PRKCQ: variants seen among roughly 807,000 people sequenced by gnomAD.
PRKCQ encodes protein kinase C theta type.
A neutral mutation model predicts 91.2 loss-of-function variants in PRKCQ; 41 were observed. The ratio of observed to expected loss-of-function variants is 0.45; its 90% CI spans 0.35 to 0.58. The LOEUF is 0.58. PRKCQ is among the 20% of genes least tolerant of loss of function. The probability of loss-of-function intolerance (pLI) is 0.00; values close to 1 mark genes in which losing one functional copy is unlikely to be tolerated. For synonymous variants in PRKCQ, 307 were observed against 316.9 expected, an observed-to-expected ratio of 0.97 and a Z score of 0.33; for missense variants, 673 against 896.5, an observed-to-expected ratio of 0.75 and a Z score of 3.18.
At chr10:6,489,006 C>T (rs1388210798) in intron 8 of PRKCQ, among the ~76,000 whole-genome samples, 1 of 152,194 alleles carries the variant, frequency 6.6e-6, no homozygotes, top group Non-Finnish European at 1.5e-5. Context: ...TGGTCTCAAA[C>T]TCCTGGGCTC....
At chr10:6,412,907 T>C in the PRKCQ span, among the ~76,000 whole-genome samples, 15 of 152,344 alleles carry the variant, frequency 9.8e-5, no homozygotes, top group East Asian at 2.7e-3. Context: ...ATGAGCACAA[T>C]TGCTCGTGTA....
At chr10:6,397,148 G>C in the PRKCQ span, among the ~76,000 whole-genome samples, 3 of 152,114 alleles carry the variant, frequency 2.0e-5, no homozygotes, top group Non-Finnish European at 4.4e-5. Context: ...CCAGGCTGGA[G>C]TGCAGTGGCA....
chr10:6,511,324 G>A (rs772355417), intron 2 of PRKCQ, 130 bp from the exon 3 acceptor site: 88 of 833,482 alleles, frequency 1.1e-4, no homozygotes, highest in Non-Finnish European at 1.2e-4. Flanking sequence ...GACAAAAGTA[G>A]CACATAAACA....
At chr10:6,525,523 T>C (rs960999403) in intron 1 of PRKCQ, among the ~76,000 whole-genome samples, 2 of 152,256 alleles carry the variant, frequency 1.3e-5, no homozygotes, top group African/African-American at 4.8e-5. Flanking sequence ...GTTGCCTTAG[T>C]GCTCTCTGTG....
At chr10:6,480,234 C>T (rs111868022) in intron 11 of PRKCQ, among the ~76,000 whole-genome samples, 94 of 152,290 alleles carry the variant, frequency 6.2e-4, no homozygotes, top group African/African-American at 2.1e-3. Flanking sequence ...TTTACACTTA[C>T]GACCTAATTG....
intron 16 of PRKCQ, among the ~76,000 whole-genome samples, chr10:6,436,822 T>G (rs1833721225): frequency 6.6e-6 from 1 of 152,174 alleles, no homozygotes; most frequent in African/African-American, 2.4e-5. Flanking sequence ...TTTCTTCCCA[T>G]CCAATCTTTC....
chr10:6,518,455 C>T (rs558967446), intron 1 of PRKCQ, among the ~76,000 whole-genome samples: 1 of 152,066 alleles, frequency 6.6e-6, no homozygotes, highest in Non-Finnish European at 1.5e-5. Flanking sequence ...ATTAATAATG[C>T]ATTTTATTTG....
At chr10:6,433,443 C>T (rs1833517495) in intron 16 of PRKCQ, among the ~76,000 whole-genome samples, 1 of 152,164 alleles carries the variant, frequency 6.6e-6, no homozygotes, top group South Asian at 2.1e-4. Context: ...AACATAGATG[C>T]TCAGTAGATG....
chr10:6,408,101 A>G, the PRKCQ span, among the ~76,000 whole-genome samples: 1 of 133,474 alleles, frequency 7.5e-6, no homozygotes, highest in African/African-American at 2.9e-5. Flanking sequence ...GGATCCGGAT[A>G]AGGGCCATAT....
chr10:6,450,944 T>G (rs948793664), intron 15 of PRKCQ, among the ~76,000 whole-genome samples: 22 of 152,254 alleles, frequency 1.4e-4, no homozygotes, highest in African/African-American at 5.3e-4. Flanking sequence ...GAGGGAAATT[T>G]ATAGCACTAA....
chr10:6,432,626 A>G (rs1029375153), intron 16 of PRKCQ, among the ~76,000 whole-genome samples: 2 of 152,120 alleles, frequency 1.3e-5, no homozygotes, highest in Admixed American at 6.5e-5. Flanking sequence ...GTCGCCTTGG[A>G]TAAGTTTTCT....
intron 15 of PRKCQ, among the ~76,000 whole-genome samples, chr10:6,445,258 C>G (rs541864186): frequency 1.3e-3 from 191 of 152,174 alleles, no homozygotes; most frequent in African/African-American, 3.4e-3. Context: ...GACCCTCCAC[C>G]ACCCCGGGGC....
chr10:6,444,093 TG>T (rs1834110201), intron 15 of PRKCQ, among the ~76,000 whole-genome samples: 2 of 152,258 alleles, frequency 1.3e-5, no homozygotes, highest in South Asian at 4.1e-4. Context: ...ATTTTTGAAA[TG>T]GAGTCTCGCT....
chr10:6,532,252 G>C (rs186002407), intron 1 of PRKCQ, among the ~76,000 whole-genome samples: 1 of 152,170 alleles, frequency 6.6e-6, no homozygotes, highest in African/African-American at 2.4e-5. Context: ...ACTTTAAAAG[G>C]GGCTTTTCTA....
At position 6,576,004 on chromosome 10, in the gene PRKCQ, C is replaced by G. The variant is rs1361940129; in HGVS notation, c.-10+4207G>C. Among the ~76,000 whole-genome samples, 1 of 152,152 alleles carries G rather than the reference C, an allele frequency of 6.6e-6. No homozygotes were observed. Among genetic ancestry groups the G allele is most frequent in the Non-Finnish European group, 1.5e-5 (1 of 68,022 alleles). Reference sequence around the variant, plus strand: ...GCAGTGAGCTGAGATCATGCCACTGCACTCCAGCCTGGCGACACAGCGAGA... The same window carrying G: ...GCAGTGAGCTGAGATCATGCCACTGGACTCCAGCCTGGCGACACAGCGAGA... On this transcript the variant is annotated intron_variant, in intron 1 of 17. Transcript: ENST00000263125. The surrounding 1 kb of genome is among the most constrained non-coding windows in gnomAD (Gnocchi z 4.2).
chr10:6,447,407 A>G (rs1002773633), intron 15 of PRKCQ, among the ~76,000 whole-genome samples: 6 of 40,862 alleles, frequency 1.5e-4, no homozygotes, highest in Admixed American at 1.4e-3. Context: ...ACTCCACCTC[A>G]AAAAAAAAAA....
intron 1 of PRKCQ, among the ~76,000 whole-genome samples, chr10:6,520,617 A>G (rs1456061211): frequency 6.6e-6 from 1 of 152,112 alleles, no homozygotes; most frequent in Non-Finnish European, 1.5e-5. Flanking sequence ...GTTCCTGTTC[A>G]GTCTCTAGCT....
At chr10:6,574,377 T>C (rs1841150103) in intron 1 of PRKCQ, among the ~76,000 whole-genome samples, 2 of 152,218 alleles carry the variant, frequency 1.3e-5, no homozygotes, top group African/African-American at 4.8e-5. Flanking sequence ...CTCCTTCGTA[T>C]GACTTAACGC....
chr10:6,561,228 T>C (rs1341820161), intron 1 of PRKCQ, among the ~76,000 whole-genome samples: 5 of 150,138 alleles, frequency 3.3e-5, no homozygotes, highest in Non-Finnish European at 5.9e-5. Context: ...AAAAGTTAGC[T>C]GGGTGTGGTG....
Sources: gnomAD v4.1 joint callset for allele counts (sites outside exome capture counted in the v4.1 genomes callset) on GRCh38, gnomAD v4.1.1 for gene constraint, Gnocchi (gnomAD v3.1) non-coding constraint, MANE v1.5 for transcripts, NCBI Gene and HGNC (gene_info 2026-07-23, HGNC 2026-07-21) for gene names.